The following DMRT1 variants were observed in gnomAD, a reference collection of about 807,000 sequenced individuals.
DMRT1 encodes the protein doublesex- and mab-3-related transcription factor 1.
DMRT1 carries 7 observed loss-of-function variants against 32.3 expected under a neutral mutation model. That is an observed-to-expected ratio of 0.22 (90% CI 0.12 to 0.41). The LOEUF is 0.41. Ranked by LOEUF, DMRT1 falls within the 10% of genes least tolerant of loss-of-function variation. DMRT1 has a pLI of 1.00. For synonymous variants in DMRT1, 278 were observed against 206.1 expected, an observed-to-expected ratio of 1.35 and a Z score of -2.99; for missense variants, 625 against 500.5, an observed-to-expected ratio of 1.25 and a Z score of -2.37.
At chr9:939,356 T>A (rs1395076893) in intron 4 of DMRT1, among the ~76,000 whole-genome samples, 1 of 152,174 alleles carries the variant, frequency 6.6e-6, no homozygotes, top group Non-Finnish European at 1.5e-5. Context: ...CCCTACCCAG[T>A]CCTCCTAACT....
At chr9:850,654 A>G (rs1839105190) in intron 2 of DMRT1, among the ~76,000 whole-genome samples, 2 of 152,168 alleles carry the variant, frequency 1.3e-5, no homozygotes, top group Admixed American at 1.3e-4. Context: ...TAGTGGAAGT[A>G]TGTTGTTCCT....
chr9:927,386 C>G (rs957094104), intron 4 of DMRT1, among the ~76,000 whole-genome samples: 17 of 152,186 alleles, frequency 1.1e-4, no homozygotes, highest in African/African-American at 3.9e-4. Context: ...AAATACACCT[C>G]GCTGCAATGT....
intron 3 of DMRT1, among the ~76,000 whole-genome samples, chr9:909,829 C>T (rs1817909284): frequency 6.6e-6 from 1 of 152,280 alleles, no homozygotes; most frequent in South Asian, 2.1e-4. Context: ...CCTCCCACAT[C>T]AGCCTCCTGA....
At chr9:904,761 A>C (rs1374268428) in intron 3 of DMRT1, among the ~76,000 whole-genome samples, 4 of 152,154 alleles carry the variant, frequency 2.6e-5, no homozygotes, top group African/African-American at 9.7e-5. Flanking sequence ...TCTCAGCAAC[A>C]TGGAGAAACC....
At chr9:875,405 A>G (rs1816454664) in intron 2 of DMRT1, among the ~76,000 whole-genome samples, 2 of 151,924 alleles carry the variant, frequency 1.3e-5, no homozygotes, top group South Asian at 4.2e-4. Flanking sequence ...CACAGGCCGG[A>G]CCCTCCCCAC....
intron 4 of DMRT1, among the ~76,000 whole-genome samples, chr9:945,045 T>A (rs1819197573): frequency 6.6e-6 from 1 of 152,206 alleles, no homozygotes; most frequent in African/African-American, 2.4e-5. Context: ...CTACTACAAG[T>A]TTTATCCACA....
chr9:963,281 A>G (rs1819832565), intron 4 of DMRT1, among the ~76,000 whole-genome samples: 1 of 152,210 alleles, frequency 6.6e-6, no homozygotes, highest in Non-Finnish European at 1.5e-5. Flanking sequence ...AGCCCCCTTC[A>G]AAACCGATAC....
chr9:876,726 T>A (rs550270491), intron 2 of DMRT1, among the ~76,000 whole-genome samples: 1 of 152,266 alleles, frequency 6.6e-6, no homozygotes, highest in East Asian at 1.9e-4. Flanking sequence ...AGATGGGGTC[T>A]CGCCATGTTG....
intron 4 of DMRT1, among the ~76,000 whole-genome samples, chr9:932,918 CTT>C (rs796689473): frequency 2.1e-5 from 3 of 145,180 alleles, no homozygotes; most frequent in Admixed American, 6.9e-5. Context: ...TCCAAGCTTT[CTT>C]TTTTTTTTTT....
intron 2 of DMRT1, 67 bp downstream of exon 2, chr9:847,210 A>C (rs1046943450): frequency 2.6e-6 from 4 of 1,515,628 alleles, no homozygotes; most frequent in East Asian, 4.6e-5. Context: ...TTGCAGCCAC[A>C]GAAGCAGGGC....
chr9:911,812 C>T (rs1818000784), intron 3 of DMRT1, among the ~76,000 whole-genome samples: 1 of 152,114 alleles, frequency 6.6e-6, no homozygotes, highest in Non-Finnish European at 1.5e-5. Context: ...GTTTTAACAT[C>T]CTGTTTATAT....
intron 2 of DMRT1, among the ~76,000 whole-genome samples, chr9:847,628 G>A (rs1838963157): frequency 6.6e-6 from 1 of 151,928 alleles, no homozygotes; most frequent in Admixed American, 6.6e-5. Context: ...GTGCTAAGGA[G>A]GAATGTGTTC....
In DMRT1 at chr9:866,411, G is replaced by T. The variant is rs73639450; in HGVS notation, c.538+19268G>T. On this transcript the variant is annotated intron_variant, in intron 2 of 4. Transcript: ENST00000382276. ...CGTCACCACCTTTAAGAAGCAATAT[G>T]GGGAAGCTGAACTAGGTGTGTCACA... Among the ~76,000 whole-genome samples the T allele has an allele frequency of 1.4e-3, 219 of 151,812 alleles. 1 individual carries two copies. Among genetic ancestry groups the T allele is most frequent in the African/African-American group, 5.0e-3 (204 of 41,140 alleles).
At chr9:905,488 CTGTGTG>C (rs57056050) in intron 3 of DMRT1, among the ~76,000 whole-genome samples, 1 of 147,722 alleles carries the variant, frequency 6.8e-6, no homozygotes, top group Non-Finnish European at 1.5e-5. Flanking sequence ...GTGTGTGTGT[CTGTGTG>C]TGTGTGTGTG....
intron 2 of DMRT1, among the ~76,000 whole-genome samples, chr9:877,146 T>C (rs760096463): frequency 1.3e-5 from 2 of 152,254 alleles, no homozygotes; most frequent in Non-Finnish European, 2.9e-5. Flanking sequence ...TGGTTCACCT[T>C]CCCTGACTTT....
intron 2 of DMRT1, among the ~76,000 whole-genome samples, chr9:880,908 A>G (rs764121090): frequency 2.0e-5 from 3 of 152,166 alleles, no homozygotes; most frequent in Admixed American, 6.5e-5. Flanking sequence ...TTGGGCCCTC[A>G]GAAGGAAGTT....
intron 2 of DMRT1, among the ~76,000 whole-genome samples, chr9:869,392 TCTC>T (rs141416783): frequency 1.3e-5 from 2 of 152,362 alleles, no homozygotes; most frequent in African/African-American, 2.4e-5. Context: ...ATTTGCCAGT[TCTC>T]CTAGCTGTTC....
chr9:879,580 CATT>C (rs1428838096), intron 2 of DMRT1, among the ~76,000 whole-genome samples: 1 of 152,168 alleles, frequency 6.6e-6, no homozygotes, highest in African/African-American at 2.4e-5. Flanking sequence ...CCTTTTACAT[CATT>C]GTCACTATTC....
intron 3 of DMRT1, among the ~76,000 whole-genome samples, chr9:901,380 G>T (rs917277347): frequency 6.6e-6 from 1 of 152,048 alleles, no homozygotes; most frequent in East Asian, 1.9e-4. Flanking sequence ...AGGCTAGAGT[G>T]CAGTGGCGCG....
Sources: gnomAD v4.1 joint callset for allele counts (sites outside exome capture counted in the v4.1 genomes callset) on GRCh38, gnomAD v4.1.1 for gene constraint, MANE v1.5 for transcripts, NCBI Gene and HGNC (gene_info 2026-07-23, HGNC 2026-07-21) for gene names.